GATB: variants seen among roughly 807,000 people sequenced by gnomAD.
GATB encodes glutamyl-tRNA(Gln) amidotransferase subunit B, mitochondrial.
In GATB, 39 loss-of-function variants were observed where a neutral mutation model predicts 62.3. That is an observed-to-expected ratio of 0.63 (90% CI 0.48 to 0.82). The LOEUF (loss-of-function observed/expected upper bound fraction) is 0.82. Ranked by LOEUF, GATB falls within the 40% of genes least tolerant of loss-of-function variation. GATB has a pLI of 0.00. For synonymous variants in GATB, 276 were observed against 258.9 expected, an observed-to-expected ratio of 1.07 and a Z score of -0.63; for missense variants, 670 against 684.0, an observed-to-expected ratio of 0.98 and a Z score of 0.23.
At chr4:151,711,795 CAATAAATGA>C (rs1209272460) in intron 5 of GATB, among the ~76,000 whole-genome samples, 4 of 152,154 alleles carry the variant, frequency 2.6e-5, no homozygotes, top group Non-Finnish European at 5.9e-5. Context: ...GGTGACTGTT[CAATAAATGA>C]AATCTTATTG....
chr4:151,701,263 G>A, intron 9 of GATB, 66 bp downstream of exon 9: 2 of 1,309,590 alleles, frequency 1.5e-6, no homozygotes, highest in South Asian at 3.8e-5. Flanking sequence ...GTGTGTGGCG[G>A]GGCCTCTGAA....
At chr4:151,686,183 C>T (rs190005785) in intron 10 of GATB, among the ~76,000 whole-genome samples, 2 of 152,276 alleles carry the variant, frequency 1.3e-5, no homozygotes, top group East Asian at 1.9e-4. Context: ...AGGCCCACAA[C>T]GTGCCGGGCA....
chr4:151,715,601 A>C (rs1299175003), intron 5 of GATB, among the ~76,000 whole-genome samples: 1 of 152,198 alleles, frequency 6.6e-6, no homozygotes, highest in Non-Finnish European at 1.5e-5. Flanking sequence ...ATATGGATGA[A>C]AAATCTACAA....
At chr4:151,682,098 T>G (rs1314460209) in intron 10 of GATB, among the ~76,000 whole-genome samples, 2 of 152,068 alleles carry the variant, frequency 1.3e-5, no homozygotes, top group African/African-American at 4.8e-5. Flanking sequence ...CTTTGAGAAG[T>G]TCATCTAAGG....
chr4:151,746,144 G>A (rs1257138056), intron 2 of GATB, among the ~76,000 whole-genome samples: 3 of 152,208 alleles, frequency 2.0e-5, no homozygotes, highest in Non-Finnish European at 4.4e-5. Flanking sequence ...TTTCCCCTGC[G>A]TGGGAACTGA....
chr4:151,711,543 T>C (rs1738818867), intron 5 of GATB, among the ~76,000 whole-genome samples: 1 of 152,236 alleles, frequency 6.6e-6, no homozygotes, highest in Non-Finnish European at 1.5e-5. Context: ...CCTGGCTCTA[T>C]GCTGCCTGGG....
At chr4:151,702,795 T>C (rs904858730) in intron 8 of GATB, among the ~76,000 whole-genome samples, 1 of 152,138 alleles carries the variant, frequency 6.6e-6, no homozygotes, top group African/African-American at 2.4e-5. Flanking sequence ...GTCAAAGGGC[T>C]TATGTAGAAA....
Position 151,730,179 on chromosome 4 carries a change from T to A in GATB, c.328-10641A>T, listed in dbSNP as rs1739215516. Among the ~76,000 whole-genome samples, 1 of 152,100 alleles carries A rather than the reference T, an allele frequency of 6.6e-6. No homozygotes were observed. The highest frequency in any genetic ancestry group is 1.5e-5 in the Non-Finnish European group (1 of 68,006). On this transcript the variant is annotated intron_variant, in intron 2 of 12. Transcript: ENST00000263985. This position sits in a 1 kb window ranked among gnomAD's most constrained non-coding sequence, Gnocchi z 4.1. ...TCCCCTTCTTCCCTGACAACCCGCATGACTCAGCAGAGGCAGCCATAAATC... is the reference window on the plus strand; with the variant it reads ...TCCCCTTCTTCCCTGACAACCCGCAAGACTCAGCAGAGGCAGCCATAAATC...
chr4:151,722,070 CAG>C (rs1320600828), intron 2 of GATB: 8 of 635,000 alleles, frequency 1.3e-5, no homozygotes, highest in African/African-American at 7.4e-5. Flanking sequence ...GCCCAGTAAA[CAG>C]AGAGTGTCAG....
intron 2 of GATB, among the ~76,000 whole-genome samples, chr4:151,753,435 C>G (rs938888834): frequency 1.3e-5 from 2 of 152,184 alleles, no homozygotes; most frequent in African/African-American, 4.8e-5. Context: ...ACAGTGCATC[C>G]TCTGCAAAGT....
chr4:151,738,820 C>G (rs1214151256), intron 2 of GATB, among the ~76,000 whole-genome samples: 3 of 152,204 alleles, frequency 2.0e-5, no homozygotes, highest in Non-Finnish European at 4.4e-5. Flanking sequence ...GAACAATTAG[C>G]AAGTATTGCA....
intron 2 of GATB, among the ~76,000 whole-genome samples, chr4:151,726,968 G>A (rs1320163324): frequency 6.6e-6 from 1 of 152,166 alleles, no homozygotes; most frequent in Non-Finnish European, 1.5e-5. Context: ...CCAGGTTGGA[G>A]TGCAGTGGCC....
chr4:151,748,035 C>T (rs1452588259), intron 2 of GATB, among the ~76,000 whole-genome samples: 1 of 152,194 alleles, frequency 6.6e-6, no homozygotes, highest in African/African-American at 2.4e-5. Context: ...AATGGAAGAA[C>T]ATTCCATGCT....
chr4:151,707,343 G>C (rs1273678717), intron 6 of GATB, among the ~76,000 whole-genome samples: 1 of 152,112 alleles, frequency 6.6e-6, no homozygotes, highest in East Asian at 1.9e-4. Context: ...GCCCAGGCTA[G>C]AGTGCAGTGG....
At chr4:151,711,132 C>G (rs1738810827) in intron 5 of GATB, among the ~76,000 whole-genome samples, 1 of 152,164 alleles carries the variant, frequency 6.6e-6, no homozygotes, top group Admixed American at 6.5e-5. Flanking sequence ...TCTCTTGTCT[C>G]TCCTTCATCT....
At chr4:151,671,645 T>C (rs1299891840) in intron 12 of GATB, among the ~76,000 whole-genome samples, 1 of 152,142 alleles carries the variant, frequency 6.6e-6, no homozygotes, top group Non-Finnish European at 1.5e-5. Context: ...TCTGAGATGA[T>C]GAATCACTGC....
intron 2 of GATB, chr4:151,720,294 T>A (rs1385723854): frequency 1.3e-5 from 2 of 152,090 alleles, no homozygotes; most frequent in Non-Finnish European, 2.9e-5. Context: ...AACGAGATAA[T>A]GTAGCCAAGG....
intron 5 of GATB, among the ~76,000 whole-genome samples, chr4:151,708,513 C>T (rs1738759333): frequency 6.6e-6 from 1 of 152,092 alleles, no homozygotes. Flanking sequence ...GGAAAGGCCT[C>T]ATATATCTGA....
chr4:151,673,599 ATG>A (rs1208084909), intron 11 of GATB: 2 of 152,236 alleles, frequency 1.3e-5, no homozygotes, highest in African/African-American at 4.8e-5. Flanking sequence ...GACTAGGATA[ATG>A]AACGCTAATG....
Sources: allele counts gnomAD v4.1 joint callset (sites outside exome capture counted in the v4.1 genomes callset), GRCh38; gene constraint gnomAD v4.1.1; non-coding constraint Gnocchi (gnomAD v3.1); transcripts MANE v1.5; gene names NCBI Gene and HGNC (gene_info 2026-07-23, HGNC 2026-07-21).